The following SCYL2 variants were observed in gnomAD, a reference collection of about 807,000 sequenced individuals.
The protein encoded by SCYL2 is SCY1-like protein 2.
In SCYL2, 36 loss-of-function variants were observed where a neutral mutation model predicts 100.4. That is an observed-to-expected ratio of 0.36 (90% CI 0.27 to 0.47). SCYL2 has a LOEUF of 0.47. Ranked by LOEUF, SCYL2 falls within the 20% of genes least tolerant of loss-of-function variation. The pLI is 1.00. For missense variants in SCYL2, 902 were observed against 1,083.9 expected (o/e 0.83, Z 2.36); for synonymous variants, 330 against 359.2 (o/e 0.92, Z 0.92).
chr12:100,307,027 C>T (rs146029568), intron 4 of SCYL2, among the ~76,000 whole-genome samples: 4 of 152,274 alleles, frequency 2.6e-5, no homozygotes, highest in Admixed American at 2.6e-4. Flanking sequence ...ATTCCATGCA[C>T]ATGGATAGGA....
intron 4 of SCYL2, among the ~76,000 whole-genome samples, chr12:100,298,440 CTTAAACTGAAT>C (rs1350362785): frequency 6.6e-6 from 1 of 152,078 alleles, no homozygotes; most frequent in Non-Finnish European, 1.5e-5. Context: ...CCTTTTGATT[CTTAAACTGAAT>C]ACATTTTATA....
At chr12:100,270,009 C>T (rs972765427) in intron 1 of SCYL2, among the ~76,000 whole-genome samples, 72 of 147,856 alleles carry the variant, frequency 4.9e-4, no homozygotes, top group African/African-American at 1.5e-3. Context: ...TTTTGTGAGA[C>T]GGAGTGTCAC....
intron 8 of SCYL2, among the ~76,000 whole-genome samples, 157 bp from the exon 9 acceptor site, chr12:100,315,401 A>G (rs907427871): frequency 6.6e-6 from 1 of 152,230 alleles, no homozygotes; most frequent in Non-Finnish European, 1.5e-5. Context: ...AATTAGCAAT[A>G]GCATCCCACT....
chr12:100,319,255 C>T (rs1174061508), intron 10 of SCYL2: 1 of 455,910 alleles, frequency 2.2e-6, no homozygotes, highest in Non-Finnish European at 4.4e-6. Flanking sequence ...GGTATGCTGC[C>T]TTTGTCCAAA....
At chr12:100,283,250 AG>A (rs1592931848) in intron 2 of SCYL2, 103 bp downstream of exon 2, 1 of 960,960 alleles carries the variant, frequency 1.0e-6, no homozygotes, top group African/African-American at 1.7e-5. Context: ...GTTCTTTAAT[AG>A]GTTCTTAAAT....
At chr12:100,275,486 A>G (rs1014106940) in intron 1 of SCYL2, among the ~76,000 whole-genome samples, 3 of 152,188 alleles carry the variant, frequency 2.0e-5, no homozygotes, top group African/African-American at 7.2e-5. Flanking sequence ...ATGAATTACT[A>G]TGCCCAGCCT....
intron 10 of SCYL2, among the ~76,000 whole-genome samples, chr12:100,322,015 T>C (rs1311374585): frequency 2.4e-5 from 3 of 123,136 alleles, no homozygotes; most frequent in African/African-American, 9.7e-5. Flanking sequence ...GCCACTGCAC[T>C]CCACCCTGGG....
intron 3 of SCYL2, among the ~76,000 whole-genome samples, chr12:100,294,751 C>T (rs1485373474): frequency 1.5e-5 from 2 of 132,936 alleles, no homozygotes; most frequent in African/African-American, 5.8e-5. Context: ...GGGGGGCTGA[C>T]CCCCCCACCT....
chr12:100,326,076 C>G (rs954003932), intron 11 of SCYL2, among the ~76,000 whole-genome samples: 2 of 151,988 alleles, frequency 1.3e-5, no homozygotes, highest in African/African-American at 4.8e-5. Context: ...ATGTATTTAT[C>G]AAATAGTCAA....
intron 1 of SCYL2, among the ~76,000 whole-genome samples, chr12:100,273,312 G>A (rs1300075810): frequency 1.3e-5 from 2 of 152,012 alleles, no homozygotes; most frequent in Non-Finnish European, 2.9e-5. Context: ...TAGCATTACT[G>A]TTTTTGGGAA....
Position 100,339,388 on chromosome 12 carries a change from C to T in SCYL2, c.*216C>T, listed in dbSNP as rs764741842. The T allele has an allele frequency of 4.3e-5, 21 of 487,088 alleles. No homozygotes were observed. The highest frequency in any genetic ancestry group is 5.3e-5 in the Non-Finnish European group (15 of 280,564). The allele number at this position is 487,088 out of a possible 1,614,324, so 30.2% of individuals were successfully genotyped here. A position where few individuals can be genotyped will look rare whatever the true frequency, so the allele number is the denominator to read the frequency against. Reference sequence around the variant, plus strand: ...GAGGATTTTTTCCTCTTACCAACTCCTCTTCAGGTTTTTAAAGACCCAGCC... The same window carrying T: ...GAGGATTTTTTCCTCTTACCAACTCTTCTTCAGGTTTTTAAAGACCCAGCC... On this transcript the variant is annotated 3_prime_UTR_variant, in exon 18 of 18. Coordinates refer to ENST00000360820, the MANE Select transcript of SCYL2 (RefSeq NM_017988.6).
At chr12:100,283,306 AC>A (rs751160919) in intron 2 of SCYL2, among the ~76,000 whole-genome samples, 159 bp downstream of exon 2, 17 of 152,346 alleles carry the variant, frequency 1.1e-4, no homozygotes, top group Non-Finnish European at 2.4e-4. Context: ...ATACAAAAAA[AC>A]AAATGCTTTT....
intron 2 of SCYL2, among the ~76,000 whole-genome samples, chr12:100,291,054 T>C (rs1216143923): frequency 1.3e-5 from 2 of 152,236 alleles, no homozygotes; most frequent in Non-Finnish European, 2.9e-5. Flanking sequence ...ATTATTCATA[T>C]GTAAAAGATA....
Position 100,298,012 on chromosome 12 carries a change from T to G in SCYL2, c.336-19T>G. 1 of 1,591,878 alleles carries G rather than the reference T, an allele frequency of 6.3e-7. No individual in the cohort carries two copies. Among genetic ancestry groups the G allele is most frequent in the Non-Finnish European group, 8.6e-7 (1 of 1,167,638 alleles). ...GTGTAATAATATGATAGTAAATAAC[T>G]TTTTCTTTTTTAAAACAGGGATTGC... On this transcript the variant is annotated intron_variant, in intron 3 of 17. Coordinates refer to ENST00000360820, the MANE Select transcript of SCYL2 (RefSeq NM_017988.6).
At chr12:100,334,704 A>G (rs1428331483) in intron 14 of SCYL2, among the ~76,000 whole-genome samples, 4 of 152,044 alleles carry the variant, frequency 2.6e-5, no homozygotes, top group African/African-American at 7.2e-5. Context: ...CATATTTAGC[A>G]TCACAACATT....
chr12:100,294,215 C>T (rs2096314394), intron 3 of SCYL2, among the ~76,000 whole-genome samples: 1 of 145,478 alleles, frequency 6.9e-6, no homozygotes, highest in Non-Finnish European at 1.5e-5. Context: ...GGGTGACCCC[C>T]CCACCTCCCT....
chr12:100,305,873 A>T (rs926299769), intron 4 of SCYL2, among the ~76,000 whole-genome samples: 1 of 152,158 alleles, frequency 6.6e-6, no homozygotes, highest in Non-Finnish European at 1.5e-5. Flanking sequence ...GAATACTATA[A>T]ATCCTTCTAT....
rs1309703560 is a variant in SCYL2, at chr12:100,281,032, T to TG, written c.-28-1911_-28-1910insG. ...TTTACCATCAGTGTTTTTTTTTTTT[T>TG]TTTTTTTTTTTTTTTTGAGATAGAG... On this transcript the variant is annotated intron_variant, in intron 1 of 17. Transcript: ENST00000360820. Among the ~76,000 whole-genome samples, 12 of 134,518 alleles carry TG rather than the reference T, an allele frequency of 8.9e-5. 1 individual carries two copies. The South Asian group carries it at 2.8e-3, about 32-fold the overall frequency. 88.2% of individuals were successfully genotyped at this position (134,518 alleles called of 152,430 possible). A position where few individuals can be genotyped will look rare whatever the true frequency, so the allele number is the denominator to read the frequency against.
chr12:100,315,228 A>G (rs558191722), intron 8 of SCYL2, among the ~76,000 whole-genome samples: 7 of 152,298 alleles, frequency 4.6e-5, no homozygotes, highest in African/African-American at 7.2e-5. Context: ...ACAGTACATG[A>G]TAGTGTTTAT....
Sources: allele counts gnomAD v4.1 joint callset (sites outside exome capture counted in the v4.1 genomes callset), GRCh38; gene constraint gnomAD v4.1.1; transcripts MANE v1.5; gene names NCBI Gene and HGNC (gene_info 2026-07-23, HGNC 2026-07-21).